The following MBD5 variants were observed in gnomAD, a reference collection of about 807,000 sequenced individuals.
MBD5 encodes methyl-CpG binding domain protein 5, also known as methyl-CpG-binding domain protein 5.
MBD5 carries 13 observed loss-of-function variants against 117.3 expected under a neutral mutation model. That is an observed-to-expected ratio of 0.11 (90% CI 0.07 to 0.18). MBD5 has a LOEUF of 0.18. Among genes scored for constraint, MBD5 ranks in the 10% least tolerant of loss-of-function variants. The pLI is 1.00. For synonymous variants in MBD5, 727 were observed against 766.4 expected (o/e 0.95, Z 0.85); for missense variants, 1,879 against 2,093.8 (o/e 0.90, Z 2.00).
At chr2:148,389,186 GGT>G (rs70995313) in intron 4 of MBD5, among the ~76,000 whole-genome samples, 4,384 of 89,512 alleles carry the variant, frequency 0.049, 356 homozygotes, top group African/African-American at 0.15. Context: ...AGTATTCCGT[GGT>G]GTGTGTGTGT....
chr2:148,390,535 A>ATGTGTGTATATATATGTATATG (rs1704539293), intron 4 of MBD5, among the ~76,000 whole-genome samples: 1 of 140,028 alleles, frequency 7.1e-6, no homozygotes, highest in Non-Finnish European at 1.5e-5. Flanking sequence ...GTGTGTGTAT[A>ATGTGTGTATATATATGTATATG]TGTGTGTATA....
At chr2:148,376,857 A>T (rs1303223139) in intron 4 of MBD5, among the ~76,000 whole-genome samples, 2 of 140,160 alleles carry the variant, frequency 1.4e-5, no homozygotes, top group East Asian at 4.0e-4. Flanking sequence ...ATATATTATA[A>T]TCATATATAT....
chr2:148,390,005 G>A (rs941953378), intron 4 of MBD5, among the ~76,000 whole-genome samples: 1 of 152,080 alleles, frequency 6.6e-6, no homozygotes. Flanking sequence ...CTAAGCCGAT[G>A]TCCAGAAAAG....
In MBD5 at chr2:148,399,781, G is replaced by A. The variant is rs180683020; in HGVS notation, c.-557+57445G>A. Among the ~76,000 whole-genome samples, 4 of 152,194 alleles carry A rather than the reference G, an allele frequency of 2.6e-5. No individual in the cohort carries two copies. The East Asian group carries it at 7.7e-4, about 29-fold the overall frequency. On this transcript the variant is annotated intron_variant, in intron 4 of 13. Transcript: ENST00000642680. ...TTTTTGCCCATTCAGTATGATATTG[G>A]CTGTGGGTTTGTCATAGATAACTCT...
rs1161029566 is a variant in MBD5, at chr2:148,515,632, A to G, written c.*2691A>G. The G allele has an allele frequency of 1.3e-5, 2 of 152,172 alleles. No homozygotes were observed. The highest frequency in any genetic ancestry group is 4.8e-5 in the African/African-American group (2 of 41,452). 9.4% of individuals were successfully genotyped at this position (152,172 alleles called of 1,614,324 possible). ...TTTTTAAATGAAGGCTAGGCCTTCT[A>G]TGTTACCAAAATTTTTATTCCCTAA... On this transcript the variant is annotated 3_prime_UTR_variant, in exon 14 of 14. Transcript: ENST00000642680.
chr2:148,425,554 G>T (rs1024726218), intron 4 of MBD5, among the ~76,000 whole-genome samples: 1 of 152,146 alleles, frequency 6.6e-6, no homozygotes, highest in African/African-American at 2.4e-5. Context: ...GCATCATCCT[G>T]ATACCAAAAC....
chr2:148,176,191 G>A (rs1410669675), intron 1 of MBD5, among the ~76,000 whole-genome samples: 1 of 151,882 alleles, frequency 6.6e-6, no homozygotes, highest in African/African-American at 2.4e-5. Context: ...AACTAGGTAA[G>A]GAAAATAAGA....
intron 4 of MBD5, among the ~76,000 whole-genome samples, chr2:148,415,574 T>C (rs1167268510): frequency 1.3e-5 from 2 of 152,214 alleles, no homozygotes; most frequent in African/African-American, 4.8e-5. Context: ...GGTTGCTTGC[T>C]TTCTCTCCCT....
At chr2:148,445,263 T>C (rs201268840) in intron 4 of MBD5, among the ~76,000 whole-genome samples, 1 of 151,146 alleles carries the variant, frequency 6.6e-6, no homozygotes, top group African/African-American at 2.5e-5. Flanking sequence ...ATTAGGTGTA[T>C]CTCCTAATGC....
At chr2:148,485,352 T>C (rs2105089998) in intron 9 of MBD5, 1 of 186,004 alleles carries the variant, frequency 5.4e-6, no homozygotes, top group South Asian at 1.1e-4. Flanking sequence ...ATTTTAATTA[T>C]CTGGTCAGAT....
chr2:148,403,523 G>C (rs564502878), intron 4 of MBD5, among the ~76,000 whole-genome samples: 1 of 152,110 alleles, frequency 6.6e-6, no homozygotes. Context: ...CTAAAAATCT[G>C]TGTCAGTTCT....
chr2:148,463,148 G>A (rs1707146824), intron 6 of MBD5, among the ~76,000 whole-genome samples: 1 of 151,846 alleles, frequency 6.6e-6, no homozygotes, highest in African/African-American at 2.4e-5. Context: ...CATGTAAAAT[G>A]GTAAAATATT....
intron 13 of MBD5, 115 bp from the exon 14 acceptor site, chr2:148,512,755 A>G (rs1682255629): frequency 1.1e-6 from 1 of 922,058 alleles, no homozygotes; most frequent in Admixed American, 1.8e-5. Context: ...GATATCAGTA[A>G]TTGAAAGTGA....
At chr2:148,141,696 G>A (rs1277710268) in intron 1 of MBD5, among the ~76,000 whole-genome samples, 1 of 152,030 alleles carries the variant, frequency 6.6e-6, no homozygotes, top group Non-Finnish European at 1.5e-5. Context: ...AAGAGGCTAA[G>A]GTAGGAGGAT....
At chr2:148,417,717 G>A (rs917775665) in intron 4 of MBD5, among the ~76,000 whole-genome samples, 13 of 151,396 alleles carry the variant, frequency 8.6e-5, no homozygotes, top group African/African-American at 1.7e-4. Flanking sequence ...TAATTATGTC[G>A]AGTATTTTTT....
chr2:148,055,963 C>T (rs923057527), intron 1 of MBD5: 2 of 152,022 alleles, frequency 1.3e-5, no homozygotes, highest in African/African-American at 2.4e-5. Context: ...TTGGCATGTT[C>T]TATAAGAAAT....
chr2:148,264,002 C>T (rs1417960624), intron 3 of MBD5, among the ~76,000 whole-genome samples: 1 of 152,012 alleles, frequency 6.6e-6, no homozygotes, highest in Non-Finnish European at 1.5e-5. Context: ...GTTTCATAAC[C>T]TAGTGAGATA....
At chr2:148,460,994 C>T (rs1428051337) in intron 5 of MBD5, among the ~76,000 whole-genome samples, 13 of 152,100 alleles carry the variant, frequency 8.5e-5, no homozygotes, top group African/African-American at 2.7e-4. Context: ...AGTGTAGTGG[C>T]GCATCTTGGC....
chr2:148,451,209 G>A (rs952175181), intron 4 of MBD5, among the ~76,000 whole-genome samples: 2 of 152,106 alleles, frequency 1.3e-5, no homozygotes, highest in African/African-American at 4.8e-5. Context: ...ATTAAGTGGA[G>A]CCTGGCAGAG....
Sources: allele counts gnomAD v4.1 joint callset (sites outside exome capture counted in the v4.1 genomes callset), GRCh38; gene constraint gnomAD v4.1.1; transcripts MANE v1.5; gene names NCBI Gene and HGNC (gene_info 2026-07-23, HGNC 2026-07-21).